Variants in NIBAN3 observed in about 807,000 individuals in gnomAD.
NIBAN3 encodes protein Niban 3.
NIBAN3 carries 66 observed loss-of-function variants against 76.4 expected under a neutral mutation model. The ratio of observed to expected loss-of-function variants is 0.86; its 90% confidence interval spans 0.71 to 1.06. NIBAN3 has a LOEUF of 1.06. Ranked by LOEUF, NIBAN3 falls within the 50% of genes least tolerant of loss-of-function variation. The pLI, the probability that NIBAN3 is intolerant of heterozygous loss-of-function variation, is 0.00. For missense variants in NIBAN3, 808 were observed against 810.7 expected (o/e 1.00, Z 0.04); for synonymous variants, 360 against 355.2 (o/e 1.01, Z -0.15).
chr19:17,523,353 A>G (rs1373090586), upstream of NIBAN3: 10 of 1,284,082 alleles, frequency 7.8e-6, no homozygotes, highest in Admixed American at 2.3e-5. Flanking sequence ...GTGCAGGGTG[A>G]GAGTGGAGCC....
chr19:17,555,525 G>T (rs577501803), downstream of NIBAN3: 4 of 443,162 alleles, frequency 9.0e-6, no homozygotes, highest in Non-Finnish European at 9.8e-6. Context: ...GGGGCGTCCT[G>T]GGTAGGGCTG....
At chr19:17,543,942 A>C (rs1471698279) in intron 12 of NIBAN3, 1 of 194,618 alleles carries the variant, frequency 5.1e-6, no homozygotes, top group Non-Finnish European at 1.1e-5. Context: ...CAGTGAGCCG[A>C]GATCGCGCCA....
upstream of NIBAN3, among the ~76,000 whole-genome samples, chr19:17,525,230 G>T (rs1237040214): frequency 6.6e-6 from 1 of 152,162 alleles, no homozygotes. Flanking sequence ...TGGATCCAGA[G>T]CTCAGTGCTT....
intron 3 of NIBAN3, 143 bp downstream of exon 3, chr19:17,532,531 G>A: frequency 7.3e-7 from 1 of 1,361,226 alleles, no homozygotes; most frequent in Non-Finnish European, 1.0e-6. Flanking sequence ...TATGTGTTTG[G>A]CCTGTTGTAG....
Position 17,553,284 on chromosome 19 carries a change from G to C in NIBAN3, c.*1386G>C. On this transcript the variant is annotated 3_prime_UTR_variant, in exon 15 of 15. Coordinates refer to ENST00000599164, the MANE Select transcript of NIBAN3 (RefSeq NM_001321827.2). ...GATTTTGGGGTTTTTTTCTCCGCTT[G>C]CTGTGAGCCTTTTGGGTTTGTTTCC... 2 of 1,606,130 alleles carry C rather than the reference G, an allele frequency of 1.2e-6. No homozygotes were observed. Among genetic ancestry groups the C allele is most frequent in the Non-Finnish European group, 8.5e-7 (1 of 1,175,098 alleles).
At chr19:17,534,117 C>T (rs938815093) in intron 4 of NIBAN3, among the ~76,000 whole-genome samples, 6 of 152,012 alleles carry the variant, frequency 3.9e-5, no homozygotes, top group Admixed American at 1.3e-4. Flanking sequence ...GCGGGAGGAT[C>T]GCTTAAGCCT....
Position 17,553,039 on chromosome 19 carries a change from C to A in NIBAN3, c.*1141C>A. ...GCAGTGAGTGGTGATTGCACCACTG[C>A]ACTCCAGCCTGGGTGATGGGAGTGA... is the stretch of plus-strand genomic sequence containing the variant. On this transcript the variant is annotated 3_prime_UTR_variant, in exon 15 of 15. Coordinates refer to ENST00000599164, the MANE Select transcript of NIBAN3 (RefSeq NM_001321827.2). 3.6e-6 allele frequency: 1 copy of A among 277,282 alleles called. No homozygotes were observed. The highest frequency in any genetic ancestry group is 6.8e-6 in the Non-Finnish European group (1 of 146,018). The allele number at this position is 277,282 out of a possible 1,614,324, so 17.2% of individuals were successfully genotyped here.
At chr19:17,534,092 A>T (rs1229511484) in intron 4 of NIBAN3, among the ~76,000 whole-genome samples, 1 of 152,112 alleles carries the variant, frequency 6.6e-6, no homozygotes, top group African/African-American at 2.4e-5. Context: ...AGTCCCAGCT[A>T]CTCGGGAGGC....
intron 5 of NIBAN3, among the ~76,000 whole-genome samples, chr19:17,537,948 C>CAG (rs1240797392): frequency 6.7e-6 from 1 of 150,334 alleles, no homozygotes; most frequent in African/African-American, 2.5e-5. Context: ...CTCCATCACA[C>CAG]ACACACACAC....
chr19:17,530,654 A>G, intron 1 of NIBAN3, 101 bp from the exon 2 acceptor site: 1 of 1,169,670 alleles, frequency 8.5e-7, no homozygotes, highest in South Asian at 1.7e-5. Flanking sequence ...CAGGATGACT[A>G]CAGGAGCCCC....
Position 17,539,816 on chromosome 19 carries a change from GA to G in NIBAN3, c.979+56del, listed in dbSNP as rs139596206. The stretch of plus-strand genomic sequence containing the variant: ...CTGGGAGGGGCGAGGCGATGCTGGG[GA>G]AAAAGGGGCGTGACCTAAGCGAAGA... On this transcript the variant is annotated intron_variant, in intron 8 of 14. Transcript: ENST00000599164. 2.4e-3 allele frequency: 3,283 copies of G among 1,384,652 alleles called. 54 individuals carry two copies. In the African/African-American group the frequency reaches 0.039, roughly 16 times the overall value. The allele number at this position is 1,384,652 out of a possible 1,614,324, so 85.8% of individuals were successfully genotyped here.
chr19:17,539,656 C>T lies in NIBAN3; in HGVS notation c.870C>T (p.Cys290=). Reference sequence around the variant, plus strand: ...TGGCCGGGGCCTCCGCCGGGCTCTGCGCCTTCCAGCCCGAAAAGGACGAGC... The same window carrying T: ...TGGCCGGGGCCTCCGCCGGGCTCTGTGCCTTCCAGCCCGAAAAGGACGAGC... ...AVLAGASAGL[C]AFQPEKDELL... Residue 290 remains cysteine (C), a synonymous_variant, in exon 8 of 15, where the codon TGC becomes TGT. Transcript: ENST00000599164. The T allele has an allele frequency of 6.4e-7, 1 of 1,565,378 alleles. No individual in the cohort carries two copies. The highest frequency in any genetic ancestry group is 8.7e-7 in the Non-Finnish European group (1 of 1,154,836).
At chr19:17,534,790 CAA>C (rs751685692) in intron 4 of NIBAN3, among the ~76,000 whole-genome samples, 4 of 75,760 alleles carry the variant, frequency 5.3e-5, no homozygotes. Context: ...GACTCCATCT[CAA>C]AAAAAAAAAA....
chr19:17,540,501 G>A lies in NIBAN3; in HGVS notation c.1089G>A (p.Val363=). The A allele has an allele frequency of 6.3e-7, 1 of 1,599,830 alleles. No individual in the cohort carries two copies. Among genetic ancestry groups the A allele is most frequent in the South Asian group, 1.1e-5 (1 of 89,604 alleles). Residue 363 remains valine, a synonymous_variant, in exon 9 of 15, where the codon GTG becomes GTA. Coordinates refer to ENST00000599164, the MANE Select transcript of NIBAN3 (RefSeq NM_001321827.2). The part of the protein sequence containing the change: ...LRTVEASLEA[V]RTLLAQGMDR... ...CCGTGGAAGCCTCGCTCGAGGCGGT[G>A]CGGACCCTCCTGGCTCAAGGCATGG...
chr19:17,550,071 C>T (rs1403347238), intron 14 of NIBAN3, among the ~76,000 whole-genome samples: 1 of 152,086 alleles, frequency 6.6e-6, no homozygotes, highest in Non-Finnish European at 1.5e-5. Context: ...CTGACTGCCT[C>T]AGCCTCCCAA....
At position 17,533,060 on chromosome 19, in the gene NIBAN3, C is replaced by T. The variant is rs143395243; in HGVS notation, c.313-527C>T. Among the ~76,000 whole-genome samples the T allele has an allele frequency of 1.7e-3, 263 of 152,146 alleles. 1 individual carries two copies. The highest frequency in any genetic ancestry group is 5.9e-3 in the African/African-American group (245 of 41,506). ...GGCTGAGGCAAATAGATCCCTTCAG[C>T]CCAGGAGTTCAAGAACAGCCTGGCC... On this transcript the variant is annotated intron_variant, in intron 3 of 14. Transcript: ENST00000599164.
At chr19:17,555,313 C>T (rs778974577), downstream of NIBAN3, among the ~76,000 whole-genome samples, 25 of 152,142 alleles carry the variant, frequency 1.6e-4, no homozygotes, top group Non-Finnish European at 2.9e-4. Flanking sequence ...TCTCTTGGGT[C>T]CCAAACCAGG....
At chr19:17,531,015 A>AG in intron 2 of NIBAN3, 130 bp downstream of exon 2, 1 of 1,117,598 alleles carries the variant, frequency 8.9e-7, no homozygotes, top group Non-Finnish European at 1.2e-6. Context: ...CATTGTTTAA[A>AG]TAAACATTCA....
chr19:17,539,172 T>A lies in NIBAN3; in HGVS notation c.618T>A (p.Pro206=). 6.3e-7 allele frequency: 1 copy of A among 1,599,228 alleles called. No individual in the cohort carries two copies. Among genetic ancestry groups the A allele is most frequent in the Non-Finnish European group, 8.5e-7 (1 of 1,173,592 alleles). Residue 206 remains proline, a synonymous_variant, in exon 6 of 15, where the codon CCT becomes CCA. Coordinates refer to ENST00000599164, the MANE Select transcript of NIBAN3 (RefSeq NM_001321827.2). ...CAGTCCTGCAGCGAAGCCAGGCCCC[T>A]GCTGCCCGGGCCTTCCTGGACGCCG... The part of the protein sequence containing the change: ...QGIVLQRSQA[P]AARAFLDAVR...
Sources: gnomAD v4.1 joint callset for allele counts (sites outside exome capture counted in the v4.1 genomes callset) on GRCh38, gnomAD v4.1.1 for gene constraint, MANE v1.5 for transcripts, NCBI Gene and HGNC (gene_info 2026-07-23, HGNC 2026-07-21) for gene names.